Variants in LRCH2 observed in about 807,000 individuals in gnomAD.
LRCH2 encodes the protein leucine-rich repeat and calponin homology domain-containing protein 2.
In LRCH2, 38 loss-of-function variants were observed where a neutral mutation model predicts 68.9. The ratio of observed to expected loss-of-function variants is 0.55; its 90% CI spans 0.43 to 0.72. LRCH2 has a LOEUF of 0.72. LRCH2 is among the 30% of genes least tolerant of loss of function. The pLI, the probability that LRCH2 is intolerant of heterozygous loss-of-function variation, is 0.00. For synonymous variants in LRCH2, 191 were observed against 208.1 expected (o/e 0.92, Z 0.71); for missense variants, 528 against 572.9 (o/e 0.92, Z 0.80).
chrX:115,154,082 A>G (rs2072454436), intron 12 of LRCH2, among the ~76,000 whole-genome samples: 1 of 111,806 alleles, frequency 8.9e-6, no homozygotes, highest in East Asian at 2.8e-4. Flanking sequence ...TGCTAATACT[A>G]AACAAAAGAG....
chrX:115,226,632 C>G (rs2073121020), intron 1 of LRCH2, among the ~76,000 whole-genome samples: 1 of 111,241 alleles, frequency 9.0e-6, no homozygotes, highest in Non-Finnish European at 1.9e-5. Flanking sequence ...GATCTGAAAG[C>G]TATTCAAAGA....
chrX:115,138,687 G>A (rs2072310738), intron 14 of LRCH2, among the ~76,000 whole-genome samples: 1 of 111,679 alleles, frequency 9.0e-6, no homozygotes, highest in Admixed American at 9.5e-5. Context: ...CTTAGAAAAT[G>A]GGAAATGTAT....
chrX:115,119,136 C>A (rs1288542594), intron 20 of LRCH2, among the ~76,000 whole-genome samples: 5 of 110,358 alleles, frequency 4.5e-5, no homozygotes, highest in Non-Finnish European at 3.8e-5. Context: ...TGTCACCACT[C>A]CTATTCAACA....
intron 14 of LRCH2, among the ~76,000 whole-genome samples, chrX:115,138,827 G>A (rs939537265): frequency 3.6e-5 from 4 of 111,974 alleles, no homozygotes; most frequent in Non-Finnish European, 5.6e-5. Context: ...ACATAGATTT[G>A]AAAATACTCT....
chrX:115,129,824 C>A (rs1556529284), intron 15 of LRCH2, among the ~76,000 whole-genome samples: 1 of 110,330 alleles, frequency 9.1e-6, no homozygotes. Flanking sequence ...AAACAAAGTT[C>A]CTAAAAAAAA....
At chrX:115,187,738 A>C (rs1344132945) in intron 2 of LRCH2, among the ~76,000 whole-genome samples, 1 of 112,794 alleles carries the variant, frequency 8.9e-6, no homozygotes, top group Non-Finnish European at 1.9e-5. Flanking sequence ...ACCTTTCAAC[A>C]TTCTCACCCC....
At chrX:115,141,632 G>A (rs915813302) in intron 14 of LRCH2, among the ~76,000 whole-genome samples, 25 of 110,097 alleles carry the variant, frequency 2.3e-4, no homozygotes, top group African/African-American at 7.6e-4. Flanking sequence ...GGGTGAGGCC[G>A]AGGGGGGTGG....
Position 115,124,921 on chromosome X carries a change from T to C in LRCH2, c.1792-919A>G, listed in dbSNP as rs782304725. Among the ~76,000 whole-genome samples, 4 of 111,632 alleles carry C rather than the reference T, an allele frequency of 3.6e-5. No homozygotes were observed. The South Asian group carries it at 1.5e-3, about 43-fold the overall frequency. On this transcript the variant is annotated intron_variant, in intron 16 of 20. Transcript: ENST00000317135. Reference sequence around the variant, plus strand: ...ACTCTTTTCCATTCACACATGAAATTAATGTAATCAGAATTCTGTAGATTA... The same window carrying C: ...ACTCTTTTCCATTCACACATGAAATCAATGTAATCAGAATTCTGTAGATTA...
chrX:115,172,082 T>C (rs1007489684), intron 5 of LRCH2, among the ~76,000 whole-genome samples: 3 of 111,618 alleles, frequency 2.7e-5, no homozygotes, highest in Non-Finnish European at 5.6e-5. Context: ...CTTCTACTGC[T>C]ATTTGTTTTA....
At chrX:115,181,018 T>C (rs2072687644) in intron 3 of LRCH2, among the ~76,000 whole-genome samples, 1 of 111,667 alleles carries the variant, frequency 9.0e-6, no homozygotes, top group African/African-American at 3.3e-5. Flanking sequence ...GGAGGGATAC[T>C]ACTTTATCTC....
intron 14 of LRCH2, among the ~76,000 whole-genome samples, chrX:115,145,031 C>T (rs1262874849): frequency 1.8e-5 from 2 of 111,816 alleles, no homozygotes; most frequent in Non-Finnish European, 3.8e-5. Context: ...AATCACATTA[C>T]ATGACTTCAA....
intron 14 of LRCH2, among the ~76,000 whole-genome samples, chrX:115,144,612 C>A (rs1481680139): frequency 1.1e-4 from 12 of 107,655 alleles, no homozygotes; most frequent in African/African-American, 4.1e-4. Flanking sequence ...TTGCAGGATA[C>A]AAAATCAACA....
At position 115,165,559 on chromosome X, in the gene LRCH2, T is replaced by G; in HGVS notation, c.1295A>C (p.Lys432Thr). The G allele has an allele frequency of 8.7e-7, 1 of 1,147,408 alleles. No homozygotes were observed. The highest frequency in any genetic ancestry group is 1.2e-6 in the Non-Finnish European group (1 of 856,444). 94.6% of individuals were successfully genotyped at this position (1,147,408 alleles called of 1,213,427 possible). The change falls in exon 9 of 21, where the codon AAG becomes ACG. Residue 432 changes from lysine to threonine, a missense_variant and splice_region_variant. By Grantham distance (78) the Lys-to-Thr change is moderately conservative. Coordinates refer to ENST00000317135, the MANE Select transcript of LRCH2 (RefSeq NM_020871.4). ...ATATTTGTTCAAAGTTTTATTTACC[T>G]TAAAGAATGATACAAATGATCCAAT... ...AHIGSFVSFF[K>T]GKEKCSEKSR...
chrX:115,117,897 T>C (rs1001570993), intron 20 of LRCH2, among the ~76,000 whole-genome samples: 1 of 110,767 alleles, frequency 9.0e-6, no homozygotes, highest in Non-Finnish European at 1.9e-5. Flanking sequence ...ATTGATCAAA[T>C]TGTACACTTT....
At chrX:115,186,813 CTTTTT>C (rs35505436) in intron 2 of LRCH2, among the ~76,000 whole-genome samples, 9 of 54,303 alleles carry the variant, frequency 1.7e-4, no homozygotes, top group African/African-American at 4.2e-4. Flanking sequence ...TTCCCTCACA[CTTTTT>C]TTTTTTTTTT....
intron 16 of LRCH2, among the ~76,000 whole-genome samples, chrX:115,126,630 T>C (rs897576593): frequency 9.0e-6 from 1 of 111,428 alleles, no homozygotes; most frequent in Admixed American, 9.6e-5. Context: ...CAAGTGCTAG[T>C]ATCAATATTT....
Position 115,192,289 on chromosome X carries a change from G to A in LRCH2, c.350-3919C>T, listed in dbSNP as rs782595418. Reference sequence around the variant, plus strand: ...CCGCTACGGAGGAGGAGGCCGCTACGAGGAGTACCGAGGCCCCTCGCCTGA... The same window carrying A: ...CCGCTACGGAGGAGGAGGCCGCTACAAGGAGTACCGAGGCCCCTCGCCTGA... On this transcript the variant is annotated intron_variant, in intron 1 of 20. Transcript: ENST00000317135. 13 of 1,165,234 alleles carry A rather than the reference G, an allele frequency of 1.1e-5. No homozygotes were observed. Among genetic ancestry groups the A allele is most frequent in the African/African-American group, 5.4e-5 (3 of 55,646 alleles).
chrX:115,188,651 C>A (rs934100549), intron 1 of LRCH2, among the ~76,000 whole-genome samples: 61 of 111,055 alleles, frequency 5.5e-4, no homozygotes, highest in East Asian at 4.0e-3. Context: ...GCCAACATGG[C>A]GAAATCCTGT....
chrX:115,154,283 A>G (rs2072455810), intron 12 of LRCH2, among the ~76,000 whole-genome samples: 1 of 112,065 alleles, frequency 8.9e-6, no homozygotes, highest in Non-Finnish European at 1.9e-5. Context: ...TGCAAGGAGA[A>G]AGATAAATCT....
Sources: allele counts gnomAD v4.1 joint callset (sites outside exome capture counted in the v4.1 genomes callset), GRCh38; gene constraint gnomAD v4.1.1; transcripts MANE v1.5; gene names NCBI Gene and HGNC (gene_info 2026-07-23, HGNC 2026-07-21).